Variants in TRPM6 observed in about 807,000 individuals in gnomAD.
TRPM6 encodes channel kinase 2.
TRPM6 carries 111 observed loss-of-function variants against 247.6 expected under a neutral mutation model. That is an observed-to-expected ratio of 0.45 (90% CI 0.38 to 0.52). The LOEUF is 0.52. Ranked by LOEUF, TRPM6 falls within the 20% of genes least tolerant of loss-of-function variation. The pLI is 0.00. For missense variants in TRPM6, 2,126 were observed against 2,421.5 expected (o/e 0.88, Z 2.56); for synonymous variants, 892 against 853.8 (o/e 1.04, Z -0.78).
At chr9:74,817,148 G>A (rs1264380263) in intron 9 of TRPM6, among the ~76,000 whole-genome samples, 184 bp from the exon 10 acceptor site, 2 of 152,096 alleles carry the variant, frequency 1.3e-5, no homozygotes, top group Admixed American at 6.6e-5. Context: ...GGGCACTTGG[G>A]GGGGAAAAAA....
At chr9:74,746,014 G>T (rs758951917) in intron 31 of TRPM6, among the ~76,000 whole-genome samples, 6 of 152,130 alleles carry the variant, frequency 3.9e-5, no homozygotes, top group African/African-American at 1.4e-4. Context: ...AGGCCGAGGC[G>T]AGCAGATCAC....
chr9:74,793,438 G>A (rs936331797), intron 18 of TRPM6, among the ~76,000 whole-genome samples: 5 of 151,782 alleles, frequency 3.3e-5, no homozygotes, highest in African/African-American at 7.3e-5. Flanking sequence ...ACCAACCTCC[G>A]CCTCCCAGGT....
At chr9:74,735,929 CCTT>C (rs764012074) in intron 36 of TRPM6, among the ~76,000 whole-genome samples, 9 of 152,176 alleles carry the variant, frequency 5.9e-5, no homozygotes, top group Non-Finnish European at 1.3e-4. Context: ...ATTTCACACT[CCTT>C]CTTTCTCTCA....
intron 28 of TRPM6, among the ~76,000 whole-genome samples, chr9:74,753,182 G>C (rs1296509730): frequency 6.6e-6 from 1 of 150,798 alleles, no homozygotes; most frequent in Non-Finnish European, 1.5e-5. Context: ...TTATTAAAAA[G>C]GATGATGAGG....
chr9:74,739,492 G>T, intron 34 of TRPM6, 43 bp from the exon 35 acceptor site: 14 of 1,582,178 alleles, frequency 8.8e-6, no homozygotes, highest in Non-Finnish European at 1.1e-5. Flanking sequence ...ATTTACTGTT[G>T]TACAGCTATG....
At chr9:74,858,648 G>A (rs773464850) in intron 2 of TRPM6, 21 bp downstream of exon 2, 3 of 1,550,764 alleles carry the variant, frequency 1.9e-6, no homozygotes, top group African/African-American at 2.7e-5. Flanking sequence ...TTTAAAAGAA[G>A]AAGGTAATTG....
intron 12 of TRPM6, among the ~76,000 whole-genome samples, chr9:74,811,487 G>A (rs1323980077): frequency 1.3e-5 from 2 of 152,206 alleles, no homozygotes; most frequent in Non-Finnish European, 2.9e-5. Context: ...AGCAATTGGT[G>A]TTTTCACAGT....
chr9:74,744,198 A>G, intron 31 of TRPM6, 53 bp from the exon 32 acceptor site: 3 of 1,542,510 alleles, frequency 1.9e-6, no homozygotes, highest in Non-Finnish European at 2.7e-6. Flanking sequence ...AGATAAATAC[A>G]TGTTTATGAA....
At chr9:74,885,919 A>C (rs545220760) in intron 1 of TRPM6, among the ~76,000 whole-genome samples, 1 of 152,332 alleles carries the variant, frequency 6.6e-6, no homozygotes, top group South Asian at 2.1e-4. Context: ...AATAAAATAA[A>C]ATAAAAAGTG....
chr9:74,725,169 T>C (rs1159169957), intron 38 of TRPM6, among the ~76,000 whole-genome samples: 1 of 152,176 alleles, frequency 6.6e-6, no homozygotes, highest in African/African-American at 2.4e-5. Context: ...TCAGGTTTGG[T>C]ACAGCCAATA....
At chr9:74,814,158 G>A (rs1459259148) in intron 11 of TRPM6, among the ~76,000 whole-genome samples, 1 of 152,140 alleles carries the variant, frequency 6.6e-6, no homozygotes, top group African/African-American at 2.4e-5. Flanking sequence ...GGTGCAATCA[G>A]GGAGCAAGTT....
At chr9:74,806,451 A>G (rs1378068364) in intron 14 of TRPM6, among the ~76,000 whole-genome samples, 3 of 152,118 alleles carry the variant, frequency 2.0e-5, no homozygotes, top group African/African-American at 7.2e-5. Flanking sequence ...GAACTGCTTT[A>G]TTTAAGTTTC....
At chr9:74,870,299 C>T (rs909098599) in intron 1 of TRPM6, among the ~76,000 whole-genome samples, 1 of 152,008 alleles carries the variant, frequency 6.6e-6, no homozygotes, top group African/African-American at 2.4e-5. Context: ...CAGGAATTTC[C>T]CTAATAAGCT....
At chr9:74,804,327 T>C in intron 14 of TRPM6, 1 of 422,458 alleles carries the variant, frequency 2.4e-6, no homozygotes, top group South Asian at 2.5e-5. Context: ...TTCTCAGGTA[T>C]TATATAATAT....
chr9:74,762,384 G>T lies in TRPM6; in HGVS notation c.4287C>A (p.Cys1429Ter), dbSNP rs896651164. 6.2e-7 allele frequency: 1 copy of T among 1,614,224 alleles called. No individual in the cohort carries two copies. Among genetic ancestry groups the T allele is most frequent in the Non-Finnish European group, 8.5e-7 (1 of 1,180,040 alleles). Reference sequence around the variant, plus strand: ...AGCTCATTGTCATGGGTTCAGGTGTGCAACTCAAAGTGGGTAGCACTTGCT... The same window carrying T: ...AGCTCATTGTCATGGGTTCAGGTGTTCAACTCAAAGTGGGTAGCACTTGCT... Reference protein sequence around the residue: ...KAEQVLPTLSCTPEPMTMSSP... With the variant: ...KAEQVLPTLS Residue 1429 changes from cysteine (C) to a stop codon, truncating the protein, a stop_gained, in exon 26 of 39, where the codon TGC (cysteine) becomes TGA (stop). Coordinates refer to ENST00000360774, the MANE Select transcript of TRPM6 (RefSeq NM_017662.5). LOFTEE classifies it high-confidence loss of function.
In TRPM6 at chr9:74,768,906, T is replaced by C. The variant is rs184945839; in HGVS notation, c.3536+2797A>G. On this transcript the variant is annotated intron_variant, in intron 25 of 38. Transcript: ENST00000360774. ...CATAAACTTATCCCAGTTCATAATC[T>C]TGGGGAGGCAGGGAGGCTATCCTGT... Among the ~76,000 whole-genome samples the C allele has an allele frequency of 7.2e-5, 11 of 152,306 alleles. No individual in the cohort carries two copies. In the East Asian group the frequency reaches 1.9e-3, roughly 27 times the overall value.
chr9:74,733,904 A>C (rs1300934513), intron 36 of TRPM6, among the ~76,000 whole-genome samples: 1 of 152,200 alleles, frequency 6.6e-6, no homozygotes, highest in Non-Finnish European at 1.5e-5. Flanking sequence ...AATAGAAACC[A>C]CCAAATTCTT....
At position 74,842,095 on chromosome 9, in the gene TRPM6, G is replaced by A. The variant is rs539994289; in HGVS notation, c.330+71C>T. On this transcript the variant is annotated intron_variant, in intron 4 of 38. Coordinates refer to ENST00000360774, the MANE Select transcript of TRPM6 (RefSeq NM_017662.5). ...CATTGCACTCCAGCCTGGGCAACAA[G>A]AGCAAAACCCCGTCTCGAAAAAAAA... 445 of 1,554,552 alleles carry A rather than the reference G, an allele frequency of 2.9e-4. 2 individuals carry two copies. In the African/African-American group the frequency reaches 5.3e-3, roughly 18 times the overall value.
chr9:74,843,814 CAAA>C (rs542444347), intron 3 of TRPM6, among the ~76,000 whole-genome samples: 12 of 62,412 alleles, frequency 1.9e-4, no homozygotes, highest in Admixed American at 1.8e-4. Flanking sequence ...GACTCCATCT[CAAA>C]AAAAAAAAAA....
Sources: gnomAD v4.1 joint callset for allele counts (sites outside exome capture counted in the v4.1 genomes callset) on GRCh38, gnomAD v4.1.1 for gene constraint, MANE v1.5 for transcripts, NCBI Gene and HGNC (gene_info 2026-07-23, HGNC 2026-07-21) for gene names.